The following ST18 variants were observed in gnomAD, a reference collection of about 807,000 sequenced individuals.
The protein encoded by ST18 is ST18 C2H2C-type zinc finger transcription factor.
Under a neutral mutation model 110.0 loss-of-function variants are expected in ST18, and 50 were observed. That is an observed-to-expected ratio of 0.45 (90% CI 0.36 to 0.58). The LOEUF (loss-of-function observed/expected upper bound fraction) is 0.58. Ranked by LOEUF, ST18 falls within the 20% of genes least tolerant of loss-of-function variation. ST18 has a pLI of 0.00. For missense variants in ST18, 1,306 were observed against 1,280.1 expected (o/e 1.02, Z -0.31); for synonymous variants, 461 against 452.4 (o/e 1.02, Z -0.24).
intron 8 of ST18, among the ~76,000 whole-genome samples, chr8:52,206,088 C>T (rs1225522826): frequency 6.6e-6 from 1 of 152,120 alleles, no homozygotes; most frequent in African/African-American, 2.4e-5. Flanking sequence ...GGAGACGGGA[C>T]CTGAGTCCTG....
chr8:52,161,703 G>C (rs1411576970), intron 13 of ST18, 135 bp from the exon 14 acceptor site: 16 of 1,024,552 alleles, frequency 1.6e-5, no homozygotes, highest in Non-Finnish European at 2.2e-5. Context: ...AAGAGAGACG[G>C]GGCCATGGCA....
At chr8:52,140,748 G>A (rs1010209575) in intron 17 of ST18, among the ~76,000 whole-genome samples, 3 of 151,906 alleles carry the variant, frequency 2.0e-5, no homozygotes, top group Admixed American at 6.6e-5. Flanking sequence ...AAATAATCAT[G>A]CTTCATTTTT....
chr8:52,275,141 A>G (rs1193749738), intron 2 of ST18, among the ~76,000 whole-genome samples: 4 of 152,170 alleles, frequency 2.6e-5, no homozygotes, highest in African/African-American at 7.2e-5. Context: ...TTAAATTTAA[A>G]TACTTAAAAA....
chr8:52,394,401 T>C (rs1334965631), intron 2 of ST18, among the ~76,000 whole-genome samples: 1 of 152,168 alleles, frequency 6.6e-6, no homozygotes, highest in Non-Finnish European at 1.5e-5. Context: ...TGGGGTAGAC[T>C]GTAAGCCTCA....
intron 2 of ST18, among the ~76,000 whole-genome samples, chr8:52,390,503 T>C (rs963703777): frequency 3.3e-5 from 5 of 152,174 alleles, no homozygotes; most frequent in Non-Finnish European, 5.9e-5. Context: ...CTTAAAATAA[T>C]AGTTATAAAA....
intron 8 of ST18, among the ~76,000 whole-genome samples, chr8:52,186,631 C>A (rs1045555381): frequency 1.3e-5 from 2 of 152,176 alleles, no homozygotes; most frequent in Admixed American, 1.3e-4. Flanking sequence ...CAGCAGTAGT[C>A]TCTCCCATAC....
At chr8:52,191,613 G>C (rs544275743) in intron 8 of ST18, among the ~76,000 whole-genome samples, 2 of 152,180 alleles carry the variant, frequency 1.3e-5, no homozygotes, top group African/African-American at 4.8e-5. Context: ...GAGTTAGTTC[G>C]TACATGGTTC....
chr8:52,299,824 G>A (rs183826895), intron 2 of ST18, among the ~76,000 whole-genome samples: 5 of 152,322 alleles, frequency 3.3e-5, no homozygotes, highest in Non-Finnish European at 5.9e-5. Flanking sequence ...ACTCATGGAA[G>A]TTTACTTTTC....
intron 2 of ST18, among the ~76,000 whole-genome samples, chr8:52,370,103 T>C (rs1373268426): frequency 4.6e-5 from 7 of 152,130 alleles, no homozygotes; most frequent in Non-Finnish European, 7.3e-5. Flanking sequence ...GGAACTACAT[T>C]GTAAATAAAA....
rs538600948 is a variant in ST18, at chr8:52,267,704, TACAGAAAAAATGTTAAGC to T, written c.-464-37645_-464-37628del. On this transcript the variant is annotated intron_variant, in intron 2 of 25. Transcript: ENST00000689386. Reference sequence around the variant, plus strand: ...GATAAGTGTTATACGTTTCCTTTGCTACAGAAAAAATGTTAAGCACAGAAAAAATGTTAAGCGGGGTAT... The same window carrying T: ...GATAAGTGTTATACGTTTCCTTTGCTACAGAAAAAATGTTAAGCGGGGTAT... Among the ~76,000 whole-genome samples the T allele has an allele frequency of 5.7e-3, 872 of 152,308 alleles. 4 individuals are homozygous for T. The highest frequency in any genetic ancestry group is 0.02 in the African/African-American group (823 of 41,566).
At chr8:52,341,230 A>C (rs1399397425) in intron 2 of ST18, among the ~76,000 whole-genome samples, 1 of 152,166 alleles carries the variant, frequency 6.6e-6, no homozygotes, top group Non-Finnish European at 1.5e-5. Flanking sequence ...TTCACTTTGG[A>C]GACCCCAAAA....
chr8:52,165,646 C>T (rs1457560321), intron 11 of ST18, among the ~76,000 whole-genome samples: 1 of 152,122 alleles, frequency 6.6e-6, no homozygotes, highest in Non-Finnish European at 1.5e-5. Flanking sequence ...CATTTTGATT[C>T]TTTGTCCATC....
intron 8 of ST18, among the ~76,000 whole-genome samples, chr8:52,206,145 T>C (rs953270788): frequency 1.9e-4 from 29 of 152,222 alleles, no homozygotes; most frequent in Admixed American, 1.7e-3. Flanking sequence ...ATAAAGCACT[T>C]AACTTCCATG....
chr8:52,171,807 T>C lies in ST18; in HGVS notation c.1054A>G (p.Ile352Val). 6.2e-7 allele frequency: 1 copy of C among 1,612,442 alleles called. No individual in the cohort carries two copies. Among genetic ancestry groups the C allele is most frequent in the Non-Finnish European group, 8.5e-7 (1 of 1,178,740 alleles). Residue 352 changes from isoleucine to valine, a missense_variant, in exon 10 of 26, where the codon ATC (isoleucine) becomes GTC (valine). By Grantham distance (29) the Ile-to-Val change is conservative. Transcript: ENST00000689386. ...TKVIDMGGRQ[I>V]FNNKHSPRPE... ...TGTGTCTTACGTTTATTGTTAAAGA[T>C]TTGTCTTCCACCCATGTCGATAACT...
intron 2 of ST18, among the ~76,000 whole-genome samples, chr8:52,341,843 C>A (rs1815168338): frequency 6.9e-6 from 1 of 145,674 alleles, no homozygotes; most frequent in South Asian, 2.3e-4. Context: ...CCCAGCTCCC[C>A]ACTGCCTGGC....
At chr8:52,146,532 A>G (rs2057337287) in intron 16 of ST18, among the ~76,000 whole-genome samples, 1 of 151,516 alleles carries the variant, frequency 6.6e-6, no homozygotes, top group Non-Finnish European at 1.5e-5. Context: ...TATGACCAGG[A>G]GCAACAACTT....
At chr8:52,297,182 TG>T (rs1043265732) in intron 2 of ST18, among the ~76,000 whole-genome samples, 1 of 152,102 alleles carries the variant, frequency 6.6e-6, no homozygotes, top group Admixed American at 6.5e-5. Context: ...GCGCAGGCTG[TG>T]GGGGGTGCAG....
At chr8:52,319,001 G>C (rs2096077360) in intron 2 of ST18, among the ~76,000 whole-genome samples, 1 of 152,040 alleles carries the variant, frequency 6.6e-6, no homozygotes. Flanking sequence ...TGGATGATGG[G>C]ATGATCTGTG....
chr8:52,338,103 G>A (rs1205333237), intron 2 of ST18, among the ~76,000 whole-genome samples: 3 of 152,106 alleles, frequency 2.0e-5, no homozygotes, highest in Non-Finnish European at 2.9e-5. Flanking sequence ...TTGTTGCCCA[G>A]GCTGGAGTGC....
Sources: gnomAD v4.1 joint callset for allele counts (sites outside exome capture counted in the v4.1 genomes callset) on GRCh38, gnomAD v4.1.1 for gene constraint, MANE v1.5 for transcripts, NCBI Gene and HGNC (gene_info 2026-07-23, HGNC 2026-07-21) for gene names.